Variants in USH2A observed in about 807,000 individuals in gnomAD.
USH2A encodes Usher syndrome 2A (autosomal recessive, mild).
USH2A carries 443 observed loss-of-function variants against 538.9 expected under a neutral mutation model. The observed-to-expected ratio is 0.82, with a 90% confidence interval of 0.76 to 0.89. The LOEUF (loss-of-function observed/expected upper bound fraction) is 0.89. Among genes scored for constraint, USH2A ranks in the 40% least tolerant of loss-of-function variants. The pLI is 0.00. For synonymous variants in USH2A, 2,413 were observed against 2,273.5 expected (o/e 1.06, Z -1.75); for missense variants, 6,633 against 6,324.8 (o/e 1.05, Z -1.65).
intron 11 of USH2A, among the ~76,000 whole-genome samples, chr1:216,272,368 T>C (rs1024523215): frequency 5.3e-5 from 8 of 152,170 alleles, no homozygotes; most frequent in African/African-American, 1.2e-4. Context: ...GTTTTTGATG[T>C]TGGTACTTTG....
intron 3 of USH2A, among the ~76,000 whole-genome samples, chr1:216,415,151 T>C (rs2039555565): frequency 6.6e-6 from 1 of 152,078 alleles, no homozygotes. Flanking sequence ...ACTACCTAAA[T>C]AACCCTACAC....
intron 3 of USH2A, among the ~76,000 whole-genome samples, chr1:216,370,008 G>A (rs1377317436): frequency 6.6e-6 from 1 of 151,486 alleles, no homozygotes; most frequent in African/African-American, 2.4e-5. Context: ...GTTACCTAAG[G>A]CAGGTTTACC....
intron 64 of USH2A, 122 bp from the exon 65 acceptor site, chr1:215,650,923 A>T: frequency 1.9e-6 from 2 of 1,048,446 alleles, no homozygotes; most frequent in Non-Finnish European, 2.8e-6. Context: ...CAACAGGAAG[A>T]GATAAACTTT....
intron 64 of USH2A, among the ~76,000 whole-genome samples, chr1:215,651,844 C>G (rs1239610876): frequency 2.0e-5 from 3 of 152,220 alleles, no homozygotes; most frequent in African/African-American, 7.2e-5. Flanking sequence ...GTTAGGTCAA[C>G]TCCTATCAGT....
chr1:216,084,305 A>G (rs1385697128), intron 25 of USH2A, among the ~76,000 whole-genome samples: 1 of 152,166 alleles, frequency 6.6e-6, no homozygotes, highest in African/African-American at 2.4e-5. Context: ...TTGTTCTTCT[A>G]TATAATGAGA....
intron 21 of USH2A, among the ~76,000 whole-genome samples, chr1:216,127,731 T>A: frequency 6.6e-6 from 1 of 152,068 alleles, no homozygotes; most frequent in East Asian, 1.9e-4. Context: ...GAGTGAAGAG[T>A]AAGTTTCAAA....
At chr1:216,102,692 C>A (rs1571962549) in intron 21 of USH2A, among the ~76,000 whole-genome samples, 1 of 151,940 alleles carries the variant, frequency 6.6e-6, no homozygotes, top group Admixed American at 6.6e-5. Flanking sequence ...CCCAGCTACT[C>A]GGGAGGCTGA....
intron 35 of USH2A, among the ~76,000 whole-genome samples, chr1:215,979,038 A>C (rs114961066): frequency 0.017 from 2,621 of 152,286 alleles, 79 homozygotes; most frequent in African/African-American, 0.06. Context: ...TAAAGGAAAG[A>C]GATTTAATGG....
At chr1:215,752,584 A>G (rs937801271) in intron 58 of USH2A, among the ~76,000 whole-genome samples, 1 of 152,166 alleles carries the variant, frequency 6.6e-6, no homozygotes, top group Non-Finnish European at 1.5e-5. Context: ...TTCCTTCTAG[A>G]ATGTGTAGGT....
chr1:216,175,956 A>G (rs1485588210), intron 20 of USH2A, among the ~76,000 whole-genome samples: 2 of 152,106 alleles, frequency 1.3e-5, no homozygotes, highest in African/African-American at 4.8e-5. Flanking sequence ...CCCGCAGTGA[A>G]ACCTACAGCC....
intron 61 of USH2A, among the ~76,000 whole-genome samples, chr1:215,699,618 T>C (rs977776890): frequency 1.3e-5 from 2 of 152,202 alleles, no homozygotes; most frequent in African/African-American, 2.4e-5. Flanking sequence ...TGGCTCTCTT[T>C]CTATTATTGG....
chr1:216,418,529 A>C lies in USH2A; in HGVS notation c.636T>G (p.Ile212Met). ...TTTTACTCACCTGCACACTAAGATG[A>C]ATCCATTTCTTCACAAGAATTCTCC... Reference protein sequence around the residue: ...TLGRILVKKWIHLSVQVHQTK... With the variant: ...TLGRILVKKWMHLSVQVHQTK... The change falls in exon 3 of 72, where the codon ATT becomes ATG. Residue 212 changes from isoleucine to methionine, a missense_variant. Transcript: ENST00000307340. 8 of 1,613,142 alleles carry C rather than the reference A, an allele frequency of 5.0e-6. No homozygotes were observed. The highest frequency in any genetic ancestry group is 6.8e-6 in the Non-Finnish European group (8 of 1,179,484).
chr1:215,864,670 G>A (rs1051900526), intron 44 of USH2A, among the ~76,000 whole-genome samples: 1 of 152,060 alleles, frequency 6.6e-6, no homozygotes, highest in Non-Finnish European at 1.5e-5. Context: ...AATACTGTGG[G>A]CAAAACAGTG....
intron 58 of USH2A, among the ~76,000 whole-genome samples, chr1:215,746,864 G>T (rs1660487455): frequency 6.6e-6 from 1 of 152,156 alleles, no homozygotes; most frequent in Non-Finnish European, 1.5e-5. Flanking sequence ...GTATCACTTT[G>T]ATATGGAAAA....
chr1:215,998,809 GAA>G lies in USH2A; in HGVS notation c.6657+76_6657+77del, dbSNP rs1668195886. On this transcript the variant is annotated intron_variant, in intron 34 of 71. Coordinates refer to ENST00000307340, the MANE Select transcript of USH2A (RefSeq NM_206933.4). ...GACTTTTTTTTTTTTAAGTGAGAGA[GAA>G]AGAAAAGATGGACCACGGGAAGGGG... 6.0e-6 allele frequency: 9 copies of G among 1,490,900 alleles called. No individual in the cohort carries two copies. The Admixed American group carries it at 1.6e-4, about 26-fold the overall frequency. The allele number at this position is 1,490,900 out of a possible 1,614,324, so 92.4% of individuals were successfully genotyped here. A position where few individuals can be genotyped will look rare whatever the true frequency, so the allele number is the denominator to read the frequency against.
chr1:215,812,114 A>AGGAG (rs1662712722), intron 49 of USH2A, among the ~76,000 whole-genome samples: 2 of 150,116 alleles, frequency 1.3e-5, no homozygotes, highest in African/African-American at 4.9e-5. Context: ...CCTCCCGAGA[A>AGGAG]GCTGGGATTA....
intron 70 of USH2A, among the ~76,000 whole-genome samples, chr1:215,629,672 C>CTTAT (rs1656192354): frequency 6.6e-6 from 1 of 151,868 alleles, no homozygotes; most frequent in African/African-American, 2.4e-5. Flanking sequence ...TAATTTAGAC[C>CTTAT]TAGAACGCGC....
Position 215,671,273 on chromosome 1 carries a change from G to A in USH2A, c.13832C>T (p.Ala4611Val), listed in dbSNP as rs376077079. Residue 4611 changes from alanine to valine, a missense_variant, in exon 64 of 72, where the codon GCG (alanine) becomes GTG (valine). Transcript: ENST00000307340. ...PFHRYEIRIQ[A>V]CTTLGCASSD... ...TGATGCACATCCCAGGGTGGTGCAC[G>A]CTTGAATTCGTATTTCATACCTTCA... is the stretch of plus-strand genomic sequence containing the variant. 8.7e-6 allele frequency: 14 copies of A among 1,613,826 alleles called. No homozygotes were observed. Among genetic ancestry groups the A allele is most frequent in the Admixed American group, 1.7e-5 (1 of 59,988 alleles).
chr1:216,322,138 A>T (rs2037626745), intron 8 of USH2A, among the ~76,000 whole-genome samples, 162 bp from the exon 9 acceptor site: 1 of 152,196 alleles, frequency 6.6e-6, no homozygotes, highest in Non-Finnish European at 1.5e-5. Flanking sequence ...ATATCCATAC[A>T]CGTTTTTAAT....
Sources: gnomAD v4.1 joint callset for allele counts (sites outside exome capture counted in the v4.1 genomes callset) on GRCh38, gnomAD v4.1.1 for gene constraint, MANE v1.5 for transcripts, NCBI Gene and HGNC (gene_info 2026-07-23, HGNC 2026-07-21) for gene names.